MRTFB: variants seen among roughly 807,000 people sequenced by gnomAD.
The protein encoded by MRTFB is myocardin-related transcription factor B.
Under a neutral mutation model 104.2 loss-of-function variants are expected in MRTFB, and 29 were observed. The ratio of observed to expected loss-of-function variants is 0.28; its 90% CI spans 0.21 to 0.38. The LOEUF is 0.38. MRTFB is among the 10% of genes least tolerant of loss of function. The probability of loss-of-function intolerance (pLI) is 1.00; values close to 1 mark genes in which losing one functional copy is unlikely to be tolerated. For synonymous variants in MRTFB, 535 were observed against 519.5 expected, an observed-to-expected ratio of 1.03 and a Z score of -0.41; for missense variants, 1,270 against 1,341.6, an observed-to-expected ratio of 0.95 and a Z score of 0.83.
chr16:14,169,465 G>A (rs998374014), intron 3 of MRTFB, among the ~76,000 whole-genome samples: 3 of 151,788 alleles, frequency 2.0e-5, no homozygotes, highest in African/African-American at 7.3e-5. Context: ...CCTCGTTTTT[G>A]TCTTTTAATT....
At chr16:14,206,911 A>T (rs1211066629) in intron 3 of MRTFB, among the ~76,000 whole-genome samples, 1 of 151,380 alleles carries the variant, frequency 6.6e-6, no homozygotes, top group Non-Finnish European at 1.5e-5. Context: ...GTGTCCACCT[A>T]TGGGTGCAGA....
At chr16:14,240,197 G>A (rs2042702596) in intron 9 of MRTFB, 40 bp from the exon 10 acceptor site, 2 of 1,541,856 alleles carry the variant, frequency 1.3e-6, no homozygotes, top group Non-Finnish European at 1.7e-6. Flanking sequence ...TTTATGTGGT[G>A]ACATCTCTTT....
chr16:14,140,558 C>T lies in MRTFB; in HGVS notation c.-49C>T, dbSNP rs1055211833. On this transcript the variant is annotated 5_prime_UTR_variant, in exon 3 of 17. Coordinates refer to ENST00000571589, the MANE Select transcript of MRTFB (RefSeq NM_001308142.2). ...TATTTTGGCAGTGTCTTCAATAGGC[C>T]GTGTTTAAGAGGCGTCTTACACTCC... is the stretch of plus-strand genomic sequence containing the variant. The T allele has an allele frequency of 6.9e-6, 11 of 1,604,162 alleles. No individual in the cohort carries two copies. Among genetic ancestry groups the T allele is most frequent in the African/African-American group, 1.3e-5 (1 of 74,618 alleles).
At chr16:14,189,005 T>G (rs141065615) in intron 3 of MRTFB, among the ~76,000 whole-genome samples, 3 of 152,216 alleles carry the variant, frequency 2.0e-5, no homozygotes, top group Admixed American at 2.0e-4. Flanking sequence ...TCACTGTAGT[T>G]GCACTGAACT....
intron 3 of MRTFB, among the ~76,000 whole-genome samples, chr16:14,172,781 G>GTT (rs2039464694): frequency 6.6e-6 from 1 of 152,090 alleles, no homozygotes; most frequent in Non-Finnish European, 1.5e-5. Context: ...TTTTCAATAT[G>GTT]TTTAAGGACC....
chr16:14,124,885 G>GT (rs574901830), intron 2 of MRTFB, among the ~76,000 whole-genome samples: 3 of 151,874 alleles, frequency 2.0e-5, no homozygotes, highest in African/African-American at 4.8e-5. Context: ...GTTGTTTTCA[G>GT]TTTTTTTTCC....
intron 9 of MRTFB, among the ~76,000 whole-genome samples, chr16:14,237,309 A>C (rs2042562891): frequency 6.6e-6 from 1 of 152,214 alleles, no homozygotes; most frequent in Admixed American, 6.5e-5. Flanking sequence ...GACTCAGCAA[A>C]AACAGCTAGC....
At chr16:14,014,724 C>T in the MRTFB span, among the ~76,000 whole-genome samples, 68 of 151,792 alleles carry the variant, frequency 4.5e-4, no homozygotes, top group Middle Eastern at 3.4e-3. Context: ...GAAAATTAGC[C>T]GGGCATGGTG....
intron 3 of MRTFB, among the ~76,000 whole-genome samples, chr16:14,154,797 A>G (rs1052946867): frequency 4.6e-5 from 7 of 152,128 alleles, no homozygotes; most frequent in African/African-American, 1.7e-4. Context: ...GGACTGTTGG[A>G]CTCAGAGCCT....
chr16:14,172,530 C>T (rs2039456267), intron 3 of MRTFB, among the ~76,000 whole-genome samples: 1 of 152,094 alleles, frequency 6.6e-6, no homozygotes, highest in Non-Finnish European at 1.5e-5. Context: ...AGAGATTTAT[C>T]TGTCAGGTAA....
At chr16:14,010,863 A>C in the MRTFB span, among the ~76,000 whole-genome samples, 1 of 152,266 alleles carries the variant, frequency 6.6e-6, no homozygotes, top group African/African-American at 2.4e-5. Context: ...CTCAATAGCC[A>C]CATGTAGTTA....
the MRTFB span, among the ~76,000 whole-genome samples, chr16:14,062,927 T>A: frequency 6.6e-6 from 1 of 152,176 alleles, no homozygotes; most frequent in African/African-American, 2.4e-5. Flanking sequence ...AGCCAGCCAC[T>A]TCTGCCACTG....
the MRTFB span, among the ~76,000 whole-genome samples, chr16:14,021,858 G>A: frequency 1.3e-5 from 2 of 152,236 alleles, no homozygotes; most frequent in African/African-American, 2.4e-5. Flanking sequence ...TTTTGCAGTT[G>A]CGAATCGTGC....
chr16:14,220,031 G>T (rs544535981), intron 8 of MRTFB, among the ~76,000 whole-genome samples: 3 of 152,152 alleles, frequency 2.0e-5, no homozygotes, highest in Non-Finnish European at 4.4e-5. Flanking sequence ...ATGTAGAGCC[G>T]CTACAGCTTG....
chr16:14,243,955 G>T (rs2042901409), intron 10 of MRTFB, among the ~76,000 whole-genome samples: 1 of 149,830 alleles, frequency 6.7e-6, no homozygotes, highest in South Asian at 2.1e-4. Flanking sequence ...TGCCTCTCGG[G>T]TTCACACCAC....
the MRTFB span, among the ~76,000 whole-genome samples, chr16:14,048,056 A>G: frequency 3.9e-5 from 6 of 152,250 alleles, no homozygotes; most frequent in Non-Finnish European, 8.8e-5. Context: ...GGGTACAGGC[A>G]TTGGATAAAT....
In MRTFB at chr16:14,264,892, T is replaced by C. The variant is rs2043894056; in HGVS notation, c.*3448T>C. The C allele has an allele frequency of 6.6e-6, 1 of 152,288 alleles. No homozygotes were observed. Among genetic ancestry groups the C allele is most frequent in the African/African-American group, 2.4e-5 (1 of 41,450 alleles). 9.4% of individuals were successfully genotyped at this position (152,288 alleles called of 1,614,324 possible). ...CAACCCCAGATCATTCCAGGCAGCATAGCTTTCTTCACAGTCCTTTCAGAA... is the reference window on the plus strand; with the variant it reads ...CAACCCCAGATCATTCCAGGCAGCACAGCTTTCTTCACAGTCCTTTCAGAA... On this transcript the variant is annotated 3_prime_UTR_variant, in exon 17 of 17. Coordinates refer to ENST00000571589, the MANE Select transcript of MRTFB (RefSeq NM_001308142.2).
the MRTFB span, among the ~76,000 whole-genome samples, chr16:14,026,618 A>G: frequency 6.6e-6 from 1 of 152,248 alleles, no homozygotes; most frequent in Middle Eastern, 3.2e-3. Flanking sequence ...AGACAGGCAC[A>G]GATTGTGAGA....
intron 3 of MRTFB, among the ~76,000 whole-genome samples, chr16:14,188,892 A>G (rs978106210): frequency 6.6e-6 from 1 of 152,226 alleles, no homozygotes; most frequent in African/African-American, 2.4e-5. Flanking sequence ...GAAGTGTTAT[A>G]TATCTTATTG....
Sources: gnomAD v4.1 joint callset for allele counts (sites outside exome capture counted in the v4.1 genomes callset) on GRCh38, gnomAD v4.1.1 for gene constraint, MANE v1.5 for transcripts, NCBI Gene and HGNC (gene_info 2026-07-23, HGNC 2026-07-21) for gene names.